The following SH2B2 variants were observed in gnomAD, a reference collection of about 807,000 sequenced individuals.
The protein encoded by SH2B2 is SH2B adaptor protein 2.
In SH2B2, 37 loss-of-function variants were observed where a neutral mutation model predicts 35.7. The observed-to-expected ratio is 1.04, with a 90% CI of 0.80 to 1.36. The LOEUF is 1.36. Ranked by LOEUF, SH2B2 falls within the 40% of genes most tolerant of loss-of-function variation. The pLI, the probability that SH2B2 is intolerant of heterozygous loss-of-function variation, is 0.00. For synonymous variants in SH2B2, 383 were observed against 376.4 expected, an observed-to-expected ratio of 1.02 and a Z score of -0.20; for missense variants, 852 against 817.7, an observed-to-expected ratio of 1.04 and a Z score of -0.51.
At chr7:102,296,063 T>G (rs926106223) in intron 1 of SH2B2, among the ~76,000 whole-genome samples, 1 of 152,144 alleles carries the variant, frequency 6.6e-6, no homozygotes, top group Non-Finnish European at 1.5e-5. Context: ...GGCAGGAGTC[T>G]CCTAGGAGAC....
At position 102,297,859 on chromosome 7, in the gene SH2B2, G is replaced by A. The variant is rs1226419751; in HGVS notation, c.-29-2663G>A. Among the ~76,000 whole-genome samples, 4 of 152,158 alleles carry A rather than the reference G, an allele frequency of 2.6e-5. No homozygotes were observed. Among genetic ancestry groups the A allele is most frequent in the African/African-American group, 9.7e-5 (4 of 41,434 alleles). On this transcript the variant is annotated intron_variant, in intron 1 of 8. Coordinates refer to ENST00000444095, the MANE Select transcript of SH2B2 (RefSeq NM_001359228.2). This position sits in a 1 kb window ranked among gnomAD's most constrained non-coding sequence, Gnocchi z 4.3. ...ATATGATATGACAGCCGGCAATAAG[G>A]ATAATGGTGAAAATAGGCAGAGTGC...
chr7:102,321,706 A>C lies in SH2B2; in HGVS notation c.*76A>C. 2 of 1,040,238 alleles carry C rather than the reference A, an allele frequency of 1.9e-6. No homozygotes were observed. Among genetic ancestry groups the C allele is most frequent in the Non-Finnish European group, 2.3e-6 (2 of 865,044 alleles). 64.4% of individuals were successfully genotyped at this position (1,040,238 alleles called of 1,614,324 possible). On this transcript the variant is annotated 3_prime_UTR_variant, in exon 9 of 9. Transcript: ENST00000444095. ...ATGTTATTAAAAGCCTGTTTTAGGG[A>C]CTGCACCCGGCTCTCCTGTCGTCCT... is the stretch of plus-strand genomic sequence containing the variant.
chr7:102,306,316 C>T (rs942917776), intron 2 of SH2B2, among the ~76,000 whole-genome samples: 22 of 146,472 alleles, frequency 1.5e-4, no homozygotes, highest in Non-Finnish European at 3.1e-5. Context: ...CTCAAACTCC[C>T]GACTTCAGGT....
At chr7:102,320,575 T>C in intron 8 of SH2B2, 73 bp downstream of exon 8, 1 of 1,519,110 alleles carries the variant, frequency 6.6e-7, no homozygotes, top group Non-Finnish European at 8.8e-7. Flanking sequence ...AGGTGGTCCC[T>C]GGGGTGGGAT....
chr7:102,317,291 G>A lies in SH2B2; in HGVS notation c.1291G>A (p.Val431Ile), dbSNP rs781935715. ...GTCCCGGGTCAAGGCTGCTCAACTGGTTCTGGCAGGGGGGCCCCGGAACCA... is the reference window on the plus strand; with the variant it reads ...GTCCCGGGTCAAGGCTGCTCAACTGATTCTGGCAGGGGGGCCCCGGAACCA... The part of the protein sequence containing the change: ...TLSRVKAAQL[V>I]LAGGPRNHGL... Residue 431 changes from valine (V) to isoleucine (I), a missense_variant, in exon 7 of 9, where the codon GTT (valine) becomes ATT (isoleucine). By Grantham distance (29) the Val-to-Ile change is conservative. Coordinates refer to ENST00000444095, the MANE Select transcript of SH2B2 (RefSeq NM_001359228.2). The A allele has an allele frequency of 6.2e-7, 1 of 1,613,662 alleles. No individual in the cohort carries two copies. Among genetic ancestry groups the A allele is most frequent in the South Asian group, 1.1e-5 (1 of 91,068 alleles).
At chr7:102,301,471 TCTTC>T (rs1238190932) in intron 2 of SH2B2, among the ~76,000 whole-genome samples, 192 bp downstream of exon 2, 1 of 152,168 alleles carries the variant, frequency 6.6e-6, no homozygotes, top group Non-Finnish European at 1.5e-5. Flanking sequence ...CAACCCCGGT[TCTTC>T]CTTTGCGAGG....
Position 102,321,398 on chromosome 7 carries a change from C to CGCCTGCCT in SH2B2, c.1668_1675dup (p.Ser559CysfsTer92), listed in dbSNP as rs1794072905. 7.3e-7 allele frequency: 1 copy of CGCCTGCCT among 1,373,804 alleles called. No individual in the cohort carries two copies. Among genetic ancestry groups the CGCCTGCCT allele is most frequent in the Non-Finnish European group, 9.4e-7 (1 of 1,062,502 alleles). 85.1% of individuals were successfully genotyped at this position (1,373,804 alleles called of 1,614,324 possible). A position where few individuals can be genotyped will look rare whatever the true frequency, so the allele number is the denominator to read the frequency against. Reference sequence around the variant, plus strand: ...TCCAGCCTCGCCGCGGCCGCCTGCCCGCCTGCCTCGCCCTCCGACGCCGCC... The same window carrying CGCCTGCCT: ...TCCAGCCTCGCCGCGGCCGCCTGCCCGCCTGCCTGCCTGCCTCGCCCTCCGACGCCGCC... On this transcript the variant is annotated frameshift_variant, in exon 9 of 9. Transcript: ENST00000444095. LOFTEE classifies it low-confidence loss of function (END_TRUNC).
chr7:102,311,085 T>G lies in SH2B2; in HGVS notation c.923+2179T>G, dbSNP rs192751845. Among the ~76,000 whole-genome samples, 17 of 152,182 alleles carry G rather than the reference T, an allele frequency of 1.1e-4. No individual in the cohort carries two copies. In the East Asian group the frequency reaches 3.3e-3, roughly 29 times the overall value. On this transcript the variant is annotated intron_variant, in intron 4 of 8. Transcript: ENST00000444095. Reference sequence around the variant, plus strand: ...AGGCATACAAATTTATTTATTTATTTTTATTTTATTATTTTATTTTTTAGA... The same window carrying G: ...AGGCATACAAATTTATTTATTTATTGTTATTTTATTATTTTATTTTTTAGA...
In SH2B2 at chr7:102,321,556, A is replaced by ACCG; in HGVS notation, c.1832_1834dup (p.Ala611dup). ...GCGCCTGCTGGAGGCCGTGGCCGCCACCGCCGCCGAGGAGCCCCCGGAGGC... is the reference window on the plus strand; with the variant it reads ...GCGCCTGCTGGAGGCCGTGGCCGCCACCGCCGCCGCCGAGGAGCCCCCGGAGGC... On this transcript the variant is annotated inframe_insertion, in exon 9 of 9. Transcript: ENST00000444095. 8.7e-7 allele frequency: 1 copy of ACCG among 1,148,792 alleles called. No individual in the cohort carries two copies. Among genetic ancestry groups the ACCG allele is most frequent in the African/African-American group, 1.6e-5 (1 of 60,962 alleles). The allele number at this position is 1,148,792 out of a possible 1,614,324, so 71.2% of individuals were successfully genotyped here.
At chr7:102,311,337 C>T (rs1793610778) in intron 4 of SH2B2, among the ~76,000 whole-genome samples, 1 of 152,004 alleles carries the variant, frequency 6.6e-6, no homozygotes, top group Admixed American at 6.6e-5. Context: ...TCACTGCAAC[C>T]TCCACCTCGC....
chr7:102,319,606 C>G (rs897266044), intron 7 of SH2B2, among the ~76,000 whole-genome samples: 1 of 151,892 alleles, frequency 6.6e-6, no homozygotes, highest in African/African-American at 2.4e-5. Flanking sequence ...TATGCGTGTA[C>G]CCTCAAACCA....
At chr7:102,296,259 A>G (rs1554552493) in intron 1 of SH2B2, among the ~76,000 whole-genome samples, 3 of 152,162 alleles carry the variant, frequency 2.0e-5, no homozygotes, top group African/African-American at 4.8e-5. Flanking sequence ...TGGGGCAGCT[A>G]TTTTTACCTG....
chr7:102,293,575 C>G (rs1206554451), intron 1 of SH2B2, among the ~76,000 whole-genome samples: 1 of 152,010 alleles, frequency 6.6e-6, no homozygotes, highest in African/African-American at 2.4e-5. Flanking sequence ...GTGGTCTACC[C>G]GCCCAGTGCT....
chr7:102,313,059 A>G (rs1586597773), intron 4 of SH2B2, among the ~76,000 whole-genome samples: 1 of 146,212 alleles, frequency 6.8e-6, no homozygotes, highest in African/African-American at 2.5e-5. Context: ...AACCCCCGGG[A>G]GGCAGAGGTT....
intron 1 of SH2B2, among the ~76,000 whole-genome samples, chr7:102,292,899 G>A (rs1343828305): frequency 6.6e-6 from 1 of 152,156 alleles, no homozygotes. Context: ...GCAGTGGGGC[G>A]CAGCCTTTTG....
chr7:102,296,908 G>T (rs1283187649), intron 1 of SH2B2, among the ~76,000 whole-genome samples: 2 of 151,996 alleles, frequency 1.3e-5, no homozygotes, highest in Non-Finnish European at 2.9e-5. Flanking sequence ...GAGCCCAGGA[G>T]TTGGAGGCTG....
At chr7:102,287,918 C>T (rs1317842912) in intron 1 of SH2B2, among the ~76,000 whole-genome samples, 1 of 152,194 alleles carries the variant, frequency 6.6e-6, no homozygotes, top group Non-Finnish European at 1.5e-5. Context: ...ACTCTGAACA[C>T]GAATAAGCCA....
chr7:102,291,590 C>T (rs1276942776), intron 1 of SH2B2, among the ~76,000 whole-genome samples: 1 of 152,118 alleles, frequency 6.6e-6, no homozygotes, highest in African/African-American at 2.4e-5. Context: ...TAAGTTAAGA[C>T]CAGAAGCCAT....
intron 1 of SH2B2, among the ~76,000 whole-genome samples, chr7:102,295,847 C>T (rs1288787937): frequency 6.6e-6 from 1 of 152,150 alleles, no homozygotes; most frequent in Non-Finnish European, 1.5e-5. Flanking sequence ...TCGTGGGTTC[C>T]TCAGTCCCCA....
Sources: allele counts gnomAD v4.1 joint callset (sites outside exome capture counted in the v4.1 genomes callset), GRCh38; gene constraint gnomAD v4.1.1; non-coding constraint Gnocchi (gnomAD v3.1); transcripts MANE v1.5; gene names NCBI Gene and HGNC (gene_info 2026-07-23, HGNC 2026-07-21).